Variants in PDZRN4 observed in about 807,000 individuals in gnomAD.
PDZRN4 encodes the protein PDZ domain-containing RING finger protein 4.
In PDZRN4, 70 loss-of-function variants were observed where a neutral mutation model predicts 99.0. The ratio of observed to expected loss-of-function variants is 0.71; its 90% CI spans 0.58 to 0.86. The LOEUF (loss-of-function observed/expected upper bound fraction) is 0.86. Among genes scored for constraint, PDZRN4 ranks in the 40% least tolerant of loss-of-function variants. The pLI is 0.00. For missense variants in PDZRN4, 1,474 were observed against 1,331.2 expected (o/e 1.11, Z -1.67); for synonymous variants, 551 against 501.6 (o/e 1.10, Z -1.32).
intron 5 of PDZRN4, among the ~76,000 whole-genome samples, chr12:41,511,859 GCTAATT>G (rs1160536992): frequency 6.6e-6 from 1 of 152,138 alleles, no homozygotes; most frequent in Non-Finnish European, 1.5e-5. Flanking sequence ...ATTTAGAAAT[GCTAATT>G]CTGTCTATGT....
rs572962743 is a variant in PDZRN4, at chr12:41,341,459, A to G, written c.843+147271A>G. Among the ~76,000 whole-genome samples, 45 of 152,002 alleles carry G rather than the reference A, an allele frequency of 3.0e-4. 1 individual carries two copies. In the South Asian group the frequency reaches 3.3e-3, roughly 11 times the overall value. On this transcript the variant is annotated intron_variant, in intron 3 of 9. Coordinates refer to ENST00000402685, the MANE Select transcript of PDZRN4 (RefSeq NM_001164595.2). ...TGATCTTGTATATAAAGTATCCTAA[A>G]ACACTGAAAAACTGTTTGGACTATT...
intron 9 of PDZRN4, among the ~76,000 whole-genome samples, chr12:41,569,106 C>A (rs7975094): frequency 0.59 from 89,049 of 150,484 alleles, 26,987 homozygotes; most frequent in East Asian, 0.84. Flanking sequence ...CCTGTCTATT[C>A]TTATTATTAT....
chr12:41,320,186 T>G (rs1251627926), intron 3 of PDZRN4, among the ~76,000 whole-genome samples: 3 of 152,136 alleles, frequency 2.0e-5, no homozygotes, highest in Non-Finnish European at 4.4e-5. Flanking sequence ...TCCAGGTAAT[T>G]GCTGGTGGTC....
intron 3 of PDZRN4, among the ~76,000 whole-genome samples, chr12:41,208,975 A>T (rs896076037): frequency 6.6e-6 from 1 of 152,000 alleles, no homozygotes; most frequent in Non-Finnish European, 1.5e-5. Context: ...GTTAAGTTAC[A>T]TGAAGTTAAG....
intron 3 of PDZRN4, among the ~76,000 whole-genome samples, chr12:41,504,273 A>G (rs148371997): frequency 1.1e-4 from 17 of 151,510 alleles, no homozygotes; most frequent in African/African-American, 4.2e-4. Flanking sequence ...ATCTCAAAAA[A>G]TAAAAAATAA....
intron 3 of PDZRN4, 104 bp from the exon 4 acceptor site, chr12:41,506,352 A>T: frequency 9.9e-7 from 1 of 1,011,740 alleles, no homozygotes; most frequent in African/African-American, 1.6e-5. Flanking sequence ...TACAAAATTC[A>T]TATCAGGGCT....
chr12:41,444,517 C>A (rs1034145066), intron 3 of PDZRN4, among the ~76,000 whole-genome samples: 2 of 152,144 alleles, frequency 1.3e-5, no homozygotes, highest in Non-Finnish European at 2.9e-5. Flanking sequence ...ATATTCTCAG[C>A]ATTGGCTTAC....
At chr12:41,471,931 C>T (rs1952995628) in intron 3 of PDZRN4, among the ~76,000 whole-genome samples, 1 of 151,178 alleles carries the variant, frequency 6.6e-6, no homozygotes, top group Admixed American at 6.6e-5. Context: ...TGATAGGTGG[C>T]AAATGATATC....
At chr12:41,309,360 A>G (rs1406399742) in intron 3 of PDZRN4, among the ~76,000 whole-genome samples, 4 of 152,164 alleles carry the variant, frequency 2.6e-5, no homozygotes, top group South Asian at 2.1e-4. Flanking sequence ...GTGTCATTCC[A>G]TGGCAGAAGG....
chr12:41,244,898 G>GAACC (rs1951124826), intron 3 of PDZRN4, among the ~76,000 whole-genome samples: 1 of 141,788 alleles, frequency 7.1e-6, no homozygotes, highest in Non-Finnish European at 1.5e-5. Flanking sequence ...CACCTTGTTA[G>GAACC]CCAGGATGGT....
intron 3 of PDZRN4, among the ~76,000 whole-genome samples, chr12:41,252,578 A>G (rs1048474238): frequency 2.0e-5 from 3 of 152,152 alleles, no homozygotes; most frequent in African/African-American, 7.2e-5. Context: ...CATCTCTACT[A>G]AAACTACAAA....
chr12:41,484,807 G>A (rs1222046977), intron 3 of PDZRN4, among the ~76,000 whole-genome samples: 2 of 152,086 alleles, frequency 1.3e-5, no homozygotes, highest in Non-Finnish European at 2.9e-5. Flanking sequence ...AATAGTCTTT[G>A]TGGGCATGTT....
intron 3 of PDZRN4, among the ~76,000 whole-genome samples, chr12:41,314,382 A>C (rs182303027): frequency 2.6e-5 from 4 of 152,300 alleles, no homozygotes; most frequent in African/African-American, 9.6e-5. Context: ...CATGATATCA[A>C]GACTAGTTCA....
chr12:41,259,333 TAGAA>T (rs950743447), intron 3 of PDZRN4, among the ~76,000 whole-genome samples: 1 of 151,950 alleles, frequency 6.6e-6, no homozygotes, highest in Non-Finnish European at 1.5e-5. Flanking sequence ...TACAAATACA[TAGAA>T]AGAAACCGTT....
At chr12:41,383,615 G>A (rs987763378) in intron 3 of PDZRN4, among the ~76,000 whole-genome samples, 74 of 152,038 alleles carry the variant, frequency 4.9e-4, no homozygotes, top group African/African-American at 1.7e-3. Context: ...CCTTTAACAT[G>A]GATTCATAAC....
intron 3 of PDZRN4, among the ~76,000 whole-genome samples, chr12:41,302,037 A>G (rs1256260733): frequency 6.6e-6 from 1 of 152,116 alleles, no homozygotes; most frequent in Non-Finnish European, 1.5e-5. Context: ...CAATTATAAC[A>G]TTAATAGAAT....
At chr12:41,549,500 T>C (rs965695403) in intron 5 of PDZRN4, among the ~76,000 whole-genome samples, 2 of 152,212 alleles carry the variant, frequency 1.3e-5, no homozygotes, top group African/African-American at 4.8e-5. Context: ...ATAAACTATG[T>C]AGTATCTGAG....
At chr12:41,372,747 T>C (rs1952050857) in intron 3 of PDZRN4, among the ~76,000 whole-genome samples, 1 of 152,152 alleles carries the variant, frequency 6.6e-6, no homozygotes, top group South Asian at 2.1e-4. Flanking sequence ...TGAAAGATCT[T>C]CTAAGCCATT....
chr12:41,211,171 T>C (rs1204397224), intron 3 of PDZRN4, among the ~76,000 whole-genome samples: 3 of 152,000 alleles, frequency 2.0e-5, no homozygotes, highest in Non-Finnish European at 4.4e-5. Context: ...ACAAGGGTAC[T>C]TTATATATAA....
Sources: allele counts gnomAD v4.1 joint callset (sites outside exome capture counted in the v4.1 genomes callset), GRCh38; gene constraint gnomAD v4.1.1; transcripts MANE v1.5; gene names NCBI Gene and HGNC (gene_info 2026-07-23, HGNC 2026-07-21).